Variants in ABLIM1 observed in about 807,000 individuals in gnomAD.
ABLIM1 encodes actin binding LIM protein 1, also known as actin-binding LIM protein 1.
Under a neutral mutation model 107.0 loss-of-function variants are expected in ABLIM1, and 40 were observed. The observed-to-expected ratio is 0.37, with a 90% CI of 0.29 to 0.49. The LOEUF is 0.49. ABLIM1 is among the 20% of genes least tolerant of loss of function. The pLI is 0.97. For synonymous variants in ABLIM1, 357 were observed against 357.3 expected (o/e 1.00, Z 0.01); for missense variants, 857 against 1,008.5 (o/e 0.85, Z 2.04).
intron 6 of ABLIM1, among the ~76,000 whole-genome samples, chr10:114,538,290 T>A (rs2066250094): frequency 1.3e-5 from 2 of 152,302 alleles, no homozygotes; most frequent in East Asian, 3.9e-4. Flanking sequence ...TGAATCCCAT[T>A]GTGATTCCAT....
intron 7 of ABLIM1, among the ~76,000 whole-genome samples, chr10:114,488,987 G>A (rs959575870): frequency 4.6e-5 from 7 of 152,026 alleles, no homozygotes; most frequent in Non-Finnish European, 5.9e-5. Context: ...GAATATCAGA[G>A]TTTCCACATT....
At chr10:114,565,968 T>C (rs2070681222) in intron 4 of ABLIM1, among the ~76,000 whole-genome samples, 1 of 151,968 alleles carries the variant, frequency 6.6e-6, no homozygotes, top group African/African-American at 2.4e-5. Flanking sequence ...CTAATTTTTT[T>C]GTATTTTTAG....
chr10:114,486,277 G>C (rs1244068417), intron 8 of ABLIM1, among the ~76,000 whole-genome samples: 1 of 152,128 alleles, frequency 6.6e-6, no homozygotes, highest in East Asian at 1.9e-4. Flanking sequence ...ATTCCACTCA[G>C]TCTGGCCTCA....
chr10:114,730,313 G>A (rs1457054347), intron 1 of ABLIM1, among the ~76,000 whole-genome samples: 1 of 149,442 alleles, frequency 6.7e-6, no homozygotes, highest in African/African-American at 2.5e-5. Flanking sequence ...CAGAAGAATC[G>A]CTTGAACCTA....
At chr10:114,751,764 G>C (rs971814880) in intron 1 of ABLIM1, among the ~76,000 whole-genome samples, 1 of 146,032 alleles carries the variant, frequency 6.8e-6, no homozygotes, top group African/African-American at 2.5e-5. Context: ...AAAAAAAAAA[G>C]GAAAGAAAAA....
intron 1 of ABLIM1, among the ~76,000 whole-genome samples, chr10:114,726,887 A>C (rs1049856706): frequency 2.0e-5 from 3 of 152,186 alleles, no homozygotes; most frequent in African/African-American, 7.2e-5. Context: ...CACCTCCAAC[A>C]ATGGGGGCTA....
intron 1 of ABLIM1, among the ~76,000 whole-genome samples, chr10:114,652,797 G>A (rs1372601875): frequency 6.6e-6 from 1 of 152,122 alleles, no homozygotes; most frequent in Non-Finnish European, 1.5e-5. Flanking sequence ...AGCTCCAAAG[G>A]ACAGAAAGAA....
rs376194277 is a variant in ABLIM1 at position 114,439,249 on chromosome 10, G to A, written c.2069C>T (p.Thr690Ile). 10 of 1,614,110 alleles carry A rather than the reference G, an allele frequency of 6.2e-6. No homozygotes were observed. Among genetic ancestry groups the A allele is most frequent in the East Asian group, 2.2e-5 (1 of 44,900 alleles). ...TGCAGGCATGTGGCCATCTGGGAGT[G>A]TCTGCAACAGAAATGCCAGTTCCAG... ...DVSGGVRDYQ[T>I]LPDGHMPAMR... The change falls in exon 21 of 23, where the codon ACA becomes ATA. Residue 690 changes from threonine (T) to isoleucine (I), a missense_variant and splice_region_variant. This residue lies in a region of ABLIM1 where 193 missense variants were observed against 208.5 expected (regional missense o/e 0.93). Coordinates refer to ENST00000533213, the MANE Select transcript of ABLIM1 (RefSeq NM_002313.7).
At chr10:114,674,540 G>A (rs563850371) in intron 1 of ABLIM1, among the ~76,000 whole-genome samples, 11 of 152,222 alleles carry the variant, frequency 7.2e-5, no homozygotes, top group African/African-American at 1.9e-4. Flanking sequence ...GATTTACCAC[G>A]AAGTTGGGAA....
At chr10:114,665,034 G>A (rs1411423700) in intron 1 of ABLIM1, among the ~76,000 whole-genome samples, 1 of 151,694 alleles carries the variant, frequency 6.6e-6, no homozygotes, top group African/African-American at 2.4e-5. Flanking sequence ...GGAGAATGGC[G>A]TGAACCCGGG....
intron 2 of ABLIM1, among the ~76,000 whole-genome samples, chr10:114,581,972 G>GA (rs1273160073): frequency 6.6e-6 from 1 of 152,022 alleles, no homozygotes; most frequent in African/African-American, 2.4e-5. Context: ...ACAAAACAAG[G>GA]ATGCCAACTC....
At chr10:114,774,433 G>C in the ABLIM1 span, among the ~76,000 whole-genome samples, 1 of 152,168 alleles carries the variant, frequency 6.6e-6, no homozygotes. Flanking sequence ...GAGAGGCCAT[G>C]GTGGATGGAA....
At chr10:114,570,133 C>G (rs2138724939) in intron 4 of ABLIM1, among the ~76,000 whole-genome samples, 1 of 152,246 alleles carries the variant, frequency 6.6e-6, no homozygotes, top group Non-Finnish European at 1.5e-5. Context: ...CCAAATCTCC[C>G]AAGGACTGGC....
intron 6 of ABLIM1, among the ~76,000 whole-genome samples, chr10:114,537,229 G>A (rs535991403): frequency 1.3e-5 from 2 of 152,074 alleles, no homozygotes; most frequent in Non-Finnish European, 2.9e-5. Context: ...TCTGAGAATT[G>A]AAAGAGACCT....
chr10:114,572,008 C>CT (rs2071753380), intron 3 of ABLIM1, among the ~76,000 whole-genome samples: 1 of 152,196 alleles, frequency 6.6e-6, no homozygotes, highest in Admixed American at 6.5e-5. Context: ...ATATTAGCTT[C>CT]TTTTCAGAAA....
In ABLIM1 at chr10:114,494,598, G is replaced by T. The variant is rs559323674; in HGVS notation, c.895-2720C>A. On this transcript the variant is annotated intron_variant, in intron 6 of 22. Coordinates refer to ENST00000533213, the MANE Select transcript of ABLIM1 (RefSeq NM_002313.7). ...AAAACCAGAAAACAACCCCAATAAA[G>T]AAGTACTTACAATACTGAATCACAT... Among the ~76,000 whole-genome samples the T allele has an allele frequency of 3.3e-5, 5 of 152,244 alleles. No homozygotes were observed. The South Asian group carries it at 1.0e-3, about 32-fold the overall frequency.
chr10:114,754,620 C>T (rs1646434188), intron 1 of ABLIM1, among the ~76,000 whole-genome samples: 1 of 152,180 alleles, frequency 6.6e-6, no homozygotes, highest in South Asian at 2.1e-4. Flanking sequence ...GCCTCCAAAG[C>T]AAGGCTCTGA....
At chr10:114,766,220 T>A (rs1266896364) in intron 1 of ABLIM1, among the ~76,000 whole-genome samples, 1 of 152,208 alleles carries the variant, frequency 6.6e-6, no homozygotes, top group Non-Finnish European at 1.5e-5. Context: ...ATGTAACACA[T>A]GTAAAGTACC....
At position 114,435,298 on chromosome 10, in the gene ABLIM1, G is replaced by C. The variant is rs2138870440; in HGVS notation, c.*962C>G. Reference sequence around the variant, plus strand: ...TTCATAGGATGCCAGAGAGACAGCAGAGGATAACGACTGGAAGAACTAGAG... The same window carrying C: ...TTCATAGGATGCCAGAGAGACAGCACAGGATAACGACTGGAAGAACTAGAG... On this transcript the variant is annotated 3_prime_UTR_variant, in exon 23 of 23. Transcript: ENST00000533213. 6.6e-6 allele frequency: 1 copy of C among 152,386 alleles called. No homozygotes were observed. Among genetic ancestry groups the C allele is most frequent in the East Asian group, 1.9e-4 (1 of 5,196 alleles). 9.4% of individuals were successfully genotyped at this position (152,386 alleles called of 1,614,324 possible).
Sources: gnomAD v4.1 joint callset for allele counts (sites outside exome capture counted in the v4.1 genomes callset) on GRCh38, gnomAD v4.1.1 for gene constraint, gnomAD v4.1.1 regional missense constraint, MANE v1.5 for transcripts, NCBI Gene and HGNC (gene_info 2026-07-23, HGNC 2026-07-21) for gene names.